TRPM3: variants seen among roughly 807,000 people sequenced by gnomAD.
TRPM3 encodes long transient receptor potential channel 3.
TRPM3 carries 77 observed loss-of-function variants against 181.2 expected under a neutral mutation model. The ratio of observed to expected loss-of-function variants is 0.42; its 90% CI spans 0.35 to 0.51. TRPM3 has a LOEUF of 0.51. Ranked by LOEUF, TRPM3 falls within the 20% of genes least tolerant of loss-of-function variation. The pLI is 0.01. For synonymous variants in TRPM3, 745 were observed against 796.4 expected, an observed-to-expected ratio of 0.94 and a Z score of 1.09; for missense variants, 1,759 against 2,196.7, an observed-to-expected ratio of 0.80 and a Z score of 3.98.
intron 1 of TRPM3, among the ~76,000 whole-genome samples, chr9:71,054,923 G>A (rs1021253627): frequency 6.6e-6 from 1 of 152,110 alleles, no homozygotes; most frequent in Non-Finnish European, 1.5e-5. Context: ...CAGGGTTATG[G>A]TGATCATTTT....
At chr9:71,049,308 G>A (rs534577321) in intron 1 of TRPM3, among the ~76,000 whole-genome samples, 1 of 152,132 alleles carries the variant, frequency 6.6e-6, no homozygotes, top group East Asian at 1.9e-4. Context: ...AATTCTCAGG[G>A]TCAGACTTGT....
At chr9:70,613,654 T>G (rs530066341) in intron 18 of TRPM3, among the ~76,000 whole-genome samples, 1 of 152,324 alleles carries the variant, frequency 6.6e-6, no homozygotes, top group South Asian at 2.1e-4. Context: ...CACATGTCCT[T>G]TCCTTCTTTC....
chr9:70,938,237 T>C (rs1373541352), intron 1 of TRPM3, among the ~76,000 whole-genome samples: 1 of 152,182 alleles, frequency 6.6e-6, no homozygotes, highest in East Asian at 1.9e-4. Flanking sequence ...AGGTTCCACA[T>C]AACAGAGTCA....
chr9:70,598,731 T>A, intron 20 of TRPM3, 61 bp from the exon 21 acceptor site: 1 of 1,567,620 alleles, frequency 6.4e-7, no homozygotes, highest in Non-Finnish European at 8.7e-7. Context: ...TCAGCCCAGT[T>A]GGGAAGTGCT....
At chr9:71,029,466 T>C (rs2134640573) in intron 1 of TRPM3, among the ~76,000 whole-genome samples, 1 of 152,286 alleles carries the variant, frequency 6.6e-6, no homozygotes, top group Admixed American at 6.5e-5. Flanking sequence ...TCTTGAAAGA[T>C]GAACAAAAAA....
At chr9:71,259,001 C>CG (rs2082858212) in intron 1 of TRPM3, among the ~76,000 whole-genome samples, 1 of 152,082 alleles carries the variant, frequency 6.6e-6, no homozygotes, top group Non-Finnish European at 1.5e-5. Context: ...CCCATCAACC[C>CG]GTCATCTACA....
rs539662950 is a variant in TRPM3 at position 71,020,796 on chromosome 9, T to A, written c.177+100382A>T. Among the ~76,000 whole-genome samples, 22 of 152,258 alleles carry A rather than the reference T, an allele frequency of 1.4e-4. No individual in the cohort carries two copies. The East Asian group carries it at 4.1e-3, about 28-fold the overall frequency. On this transcript the variant is annotated intron_variant, in intron 1 of 25. Transcript: ENST00000677713. ...TGGTGAGACTATAGAACAGGAAAACTTAGGAATACTGTTCAACAATATCTA... is the reference window on the plus strand; with the variant it reads ...TGGTGAGACTATAGAACAGGAAAACATAGGAATACTGTTCAACAATATCTA...
chr9:71,324,337 T>C (rs2089485472), intron 1 of TRPM3, among the ~76,000 whole-genome samples: 3 of 152,084 alleles, frequency 2.0e-5, no homozygotes, highest in Non-Finnish European at 4.4e-5. Flanking sequence ...CTATCAGTAT[T>C]TTCAAGTGAC....
chr9:71,404,288 T>C (rs542778911), intron 1 of TRPM3, among the ~76,000 whole-genome samples: 2 of 152,334 alleles, frequency 1.3e-5, no homozygotes, highest in African/African-American at 4.8e-5. Context: ...ATATAAATGA[T>C]GAATAATTGC....
At position 71,223,646 on chromosome 9, in the gene TRPM3, A is replaced by G. The variant is rs148181833; in HGVS notation, c.183+223007T>C. Among the ~76,000 whole-genome samples the G allele has an allele frequency of 7.2e-5, 11 of 152,252 alleles. No individual in the cohort carries two copies. The East Asian group carries it at 2.1e-3, about 29-fold the overall frequency. On this transcript the variant is annotated intron_variant, in intron 1 of 24. Transcript: ENST00000357533. ...CTTGGCTCTTGGACAGCAATTCTGG[A>G]CCTATCCTGGGCCAGAGGGGAGCCC...
chr9:71,257,909 T>A (rs1274971457), intron 1 of TRPM3, among the ~76,000 whole-genome samples: 1 of 152,156 alleles, frequency 6.6e-6, no homozygotes, highest in Non-Finnish European at 1.5e-5. Context: ...TATTTCTTTA[T>A]CAGATATGCA....
At chr9:70,836,424 C>G (rs909456131) in intron 5 of TRPM3, among the ~76,000 whole-genome samples, 2 of 152,178 alleles carry the variant, frequency 1.3e-5, no homozygotes, top group South Asian at 4.1e-4. Flanking sequence ...TGCTTCTCCA[C>G]TTCTTCCTCC....
chr9:71,247,303 G>T (rs369704635), intron 1 of TRPM3, among the ~76,000 whole-genome samples: 141 of 136,838 alleles, frequency 1.0e-3, no homozygotes, highest in African/African-American at 3.6e-3. Flanking sequence ...GCAGTAAGCC[G>T]AGATCATGCC....
intron 1 of TRPM3, among the ~76,000 whole-genome samples, chr9:71,227,114 A>AG (rs2080724941): frequency 6.7e-6 from 1 of 150,104 alleles, no homozygotes; most frequent in Non-Finnish European, 1.5e-5. Flanking sequence ...ATCTCAAAAA[A>AG]AAAAAAAAAA....
intron 9 of TRPM3, among the ~76,000 whole-genome samples, chr9:70,644,630 C>T (rs2058542858): frequency 6.6e-6 from 1 of 152,140 alleles, no homozygotes; most frequent in South Asian, 2.1e-4. Flanking sequence ...TGGAAGTATT[C>T]CCTTTGAAAA....
intron 1 of TRPM3, among the ~76,000 whole-genome samples, chr9:71,028,630 G>GAA (rs201506044): frequency 2.0e-5 from 2 of 99,744 alleles, no homozygotes; most frequent in South Asian, 3.0e-4. Flanking sequence ...TCTACCAAAT[G>GAA]AAAAAAAAAA....
In TRPM3 at chr9:70,535,414, C is replaced by G; in HGVS notation, c.*539G>C. 2 of 1,550,522 alleles carry G rather than the reference C, an allele frequency of 1.3e-6. No homozygotes were observed. The highest frequency in any genetic ancestry group is 1.7e-6 in the Non-Finnish European group (2 of 1,146,988). The stretch of plus-strand genomic sequence containing the variant: ...GAAGGATGTGGGACGTTAGGTAGAA[C>G]TGCTTGCTGCCGGCTTATACTGAAT... On this transcript the variant is annotated 3_prime_UTR_variant, in exon 26 of 26. Coordinates refer to ENST00000677713, the MANE Select transcript of TRPM3 (RefSeq NM_001366145.2).
intron 7 of TRPM3, among the ~76,000 whole-genome samples, chr9:70,768,507 G>A (rs926048059): frequency 1.3e-5 from 2 of 151,440 alleles, no homozygotes; most frequent in Non-Finnish European, 2.9e-5. Context: ...TTTTTTTCTT[G>A]ATGTCTTAAT....
upstream of TRPM3, among the ~76,000 whole-genome samples, chr9:71,125,566 T>A (rs928301328): frequency 1.6e-4 from 24 of 152,208 alleles, no homozygotes; most frequent in African/African-American, 5.3e-4. Context: ...ATGGTGTATA[T>A]GTAGCACATT....
Sources: allele counts gnomAD v4.1 joint callset (sites outside exome capture counted in the v4.1 genomes callset), GRCh38; gene constraint gnomAD v4.1.1; transcripts MANE v1.5; gene names NCBI Gene and HGNC (gene_info 2026-07-23, HGNC 2026-07-21).